Variants in NECAB2 observed in about 807,000 individuals in gnomAD.
The protein encoded by NECAB2 is N-terminal EF-hand calcium binding protein 2.
Under a neutral mutation model 51.9 loss-of-function variants are expected in NECAB2, and 68 were observed. That is an observed-to-expected ratio of 1.31 (90% confidence interval 1.08 to 1.60). The LOEUF (loss-of-function observed/expected upper bound fraction) is 1.60. Among genes scored for constraint, NECAB2 ranks in the 40% most tolerant of loss-of-function variants. The probability of loss-of-function intolerance (pLI) is 0.00; values close to 1 mark genes in which losing one functional copy is unlikely to be tolerated. For missense variants in NECAB2, 854 were observed against 490.3 expected, an observed-to-expected ratio of 1.74 and a Z score of -7.00; for synonymous variants, 329 against 203.5, an observed-to-expected ratio of 1.62 and a Z score of -5.25.
intron 8 of NECAB2, among the ~76,000 whole-genome samples, chr16:83,995,977 C>T (rs1006680474): frequency 8.5e-5 from 13 of 152,218 alleles, no homozygotes; most frequent in Non-Finnish European, 1.5e-4. Context: ...GGCTGGTAAC[C>T]ACGGAGTACC....
intron 6 of NECAB2, chr16:83,993,635 TGTGTGTGTG>T (rs1270932152): frequency 5.4e-4 from 82 of 151,046 alleles, no homozygotes; most frequent in African/African-American, 2.1e-3. Context: ...TGTGTGTGTG[TGTGTGTGTG>T]TGTGTGTGTG....
rs548139163 is a variant in NECAB2 at position 84,002,479 on chromosome 16, G to GTTGTTAAGTGAA, written c.*134_*145dup. Reference sequence around the variant, plus strand: ...ATCCTCCACAAGAAGGTGTTTCCCTGTTGTTAAGTGAAGGAGGCCGCCCCT... The same window carrying GTTGTTAAGTGAA: ...ATCCTCCACAAGAAGGTGTTTCCCTGTTGTTAAGTGAATTGTTAAGTGAAGGAGGCCGCCCCT... On this transcript the variant is annotated 3_prime_UTR_variant, in exon 13 of 13. Transcript: ENST00000305202. 2.1e-4 allele frequency: 259 copies of GTTGTTAAGTGAA among 1,258,450 alleles called. No homozygotes were observed. In the African/African-American group the frequency reaches 3.6e-3, roughly 18 times the overall value. 78.0% of individuals were successfully genotyped at this position (1,258,450 alleles called of 1,614,324 possible).
chr16:83,984,986 G>A (rs8053934), intron 5 of NECAB2, among the ~76,000 whole-genome samples: 1 of 151,960 alleles, frequency 6.6e-6, no homozygotes, highest in South Asian at 2.1e-4. Flanking sequence ...AAATGGAATG[G>A]TTTTTTTGAT....
intron 5 of NECAB2, 32 bp downstream of exon 5, chr16:83,981,159 G>C (rs1265644664): frequency 6.4e-7 from 1 of 1,573,064 alleles, no homozygotes; most frequent in Non-Finnish European, 8.7e-7. Flanking sequence ...CCGGGGTCCA[G>C]GGCTCCAGTG....
At position 84,002,751 on chromosome 16, in the gene NECAB2, C is replaced by T. The variant is rs573297085; in HGVS notation, c.*405C>T. On this transcript the variant is annotated 3_prime_UTR_variant, in exon 13 of 13. Coordinates refer to ENST00000305202, the MANE Select transcript of NECAB2 (RefSeq NM_019065.3). ...CCAGGTAGCCACCACTGTGCCCAGG[C>T]GCCAAATAAACCCTGGTTGGGAAGA... 39 of 216,392 alleles carry T rather than the reference C, an allele frequency of 1.8e-4. No individual in the cohort carries two copies. The highest frequency in any genetic ancestry group is 1.7e-3 in the Admixed American group (34 of 20,116). 13.4% of individuals were successfully genotyped at this position (216,392 alleles called of 1,614,324 possible). A position where few individuals can be genotyped will look rare whatever the true frequency, so the allele number is the denominator to read the frequency against.
intron 5 of NECAB2, among the ~76,000 whole-genome samples, chr16:83,989,369 C>G (rs1454086476): frequency 2.6e-5 from 4 of 152,222 alleles, no homozygotes; most frequent in African/African-American, 9.6e-5. Flanking sequence ...CCTTAGCTGT[C>G]TTCTCATGTG....
At position 84,001,386 on chromosome 16, in the gene NECAB2, G is replaced by C. The variant is rs2084831261; in HGVS notation, c.1041-439G>C. On this transcript the variant is annotated intron_variant, in intron 11 of 12. Transcript: ENST00000305202. The stretch of plus-strand genomic sequence containing the variant: ...CCTGCTTCCCTGGTAAACACTCACG[G>C]TTTGCTGACAAACTCAGGACCCCAG... 2.0e-5 allele frequency among the ~76,000 whole-genome samples: 3 copies of C among 151,950 alleles called. No homozygotes were observed. The South Asian group carries it at 6.2e-4, about 31-fold the overall frequency.
chr16:83,996,146 C>T (rs945863284), intron 8 of NECAB2, among the ~76,000 whole-genome samples: 1 of 152,188 alleles, frequency 6.6e-6, no homozygotes, highest in South Asian at 2.1e-4. Context: ...TCTAGGGGCC[C>T]CTGGCTGGGA....
chr16:83,996,875 G>T (rs2084707972), intron 8 of NECAB2, among the ~76,000 whole-genome samples: 2 of 152,142 alleles, frequency 1.3e-5, no homozygotes, highest in South Asian at 2.1e-4. Context: ...CACCCCATTA[G>T]ATCCCTGAGG....
intron 6 of NECAB2, among the ~76,000 whole-genome samples, chr16:83,992,951 A>G (rs751265942): frequency 5.3e-5 from 8 of 152,320 alleles, no homozygotes; most frequent in Non-Finnish European, 7.3e-5. Context: ...ATGGCTGCGC[A>G]GTTTTCAGGG....
At chr16:83,980,428 C>G (rs894815327) in intron 3 of NECAB2, among the ~76,000 whole-genome samples, 1 of 152,132 alleles carries the variant, frequency 6.6e-6, no homozygotes, top group Admixed American at 6.5e-5. Flanking sequence ...TCTGCCACAA[C>G]CCCAGGAACT....
intron 1 of NECAB2, among the ~76,000 whole-genome samples, chr16:83,970,535 G>A (rs370097159): frequency 3.3e-5 from 5 of 152,134 alleles, no homozygotes; most frequent in African/African-American, 1.2e-4. Context: ...AATGACCAAG[G>A]GTGCCCCCTT....
intron 6 of NECAB2, among the ~76,000 whole-genome samples, chr16:83,991,248 G>T (rs891388953): frequency 2.9e-4 from 44 of 152,030 alleles, no homozygotes; most frequent in African/African-American, 1.0e-3. Context: ...CTCCCAAAGT[G>T]CTGGGATGAA....
intron 2 of NECAB2, among the ~76,000 whole-genome samples, chr16:83,974,081 G>A (rs1374183572): frequency 6.6e-6 from 1 of 152,024 alleles, no homozygotes; most frequent in Non-Finnish European, 1.5e-5. Context: ...CCTTACTGCA[G>A]CCTCCTCAAA....
Position 84,002,444 on chromosome 16 carries a change from T to C in NECAB2, c.*98T>C, listed in dbSNP as rs1425228836. On this transcript the variant is annotated 3_prime_UTR_variant, in exon 13 of 13. Coordinates refer to ENST00000305202, the MANE Select transcript of NECAB2 (RefSeq NM_019065.3). Reference sequence around the variant, plus strand: ...ACAGACACTTTGGTGCAGAAGCTTCTTTTCAATCCATCCTCCACAAGAAGG... The same window carrying C: ...ACAGACACTTTGGTGCAGAAGCTTCCTTTCAATCCATCCTCCACAAGAAGG... 1 of 1,451,122 alleles carries C rather than the reference T, an allele frequency of 6.9e-7. No individual in the cohort carries two copies. Among genetic ancestry groups the C allele is most frequent in the Non-Finnish European group, 9.6e-7 (1 of 1,038,478 alleles). 89.9% of individuals were successfully genotyped at this position (1,451,122 alleles called of 1,614,324 possible). A position where few individuals can be genotyped will look rare whatever the true frequency, so the allele number is the denominator to read the frequency against.
chr16:83,994,156 C>G (rs551663333), intron 6 of NECAB2, 146 bp from the exon 7 acceptor site: 7 of 729,028 alleles, frequency 9.6e-6, no homozygotes, highest in East Asian at 8.1e-5. Flanking sequence ...TCATTTCCTC[C>G]TCTGTCAAAA....
At chr16:84,001,429 A>C (rs369481353) in intron 11 of NECAB2, among the ~76,000 whole-genome samples, 3 of 152,258 alleles carry the variant, frequency 2.0e-5, no homozygotes, top group East Asian at 3.9e-4. Context: ...AGGGGCGGTC[A>C]TGAGAAGTGA....
In NECAB2 at chr16:83,992,691, T is replaced by A. The variant is rs182255767; in HGVS notation, c.597-1611T>A. ...GACACTGTTTCCCAAATGAGTTTGA[T>A]CTGAGCATTTGCGCTGAATCACCTG... On this transcript the variant is annotated intron_variant, in intron 6 of 12. Coordinates refer to ENST00000305202, the MANE Select transcript of NECAB2 (RefSeq NM_019065.3). 1.1e-4 allele frequency among the ~76,000 whole-genome samples: 16 copies of A among 152,282 alleles called. 1 individual carries two copies. The East Asian group carries it at 2.9e-3, about 28-fold the overall frequency.
chr16:83,999,747 G>A (rs539342404), intron 10 of NECAB2, among the ~76,000 whole-genome samples: 1 of 152,202 alleles, frequency 6.6e-6, no homozygotes, highest in African/African-American at 2.4e-5. Context: ...CCCTTCCTCT[G>A]TGGCCCAGCA....
Sources: gnomAD v4.1 joint callset for allele counts (sites outside exome capture counted in the v4.1 genomes callset) on GRCh38, gnomAD v4.1.1 for gene constraint, MANE v1.5 for transcripts, NCBI Gene and HGNC (gene_info 2026-07-23, HGNC 2026-07-21) for gene names.